NEO1: variants seen among roughly 807,000 people sequenced by gnomAD.
The protein encoded by NEO1 is neogenin.
In NEO1, 63 loss-of-function variants were observed where a neutral mutation model predicts 159.7. The observed-to-expected ratio is 0.39, with a 90% CI of 0.32 to 0.49. The LOEUF (loss-of-function observed/expected upper bound fraction) is 0.49, where lower values mean the gene tolerates loss of function less well. Ranked by LOEUF, NEO1 falls within the 20% of genes least tolerant of loss-of-function variation. NEO1 has a pLI of 0.85. For missense variants in NEO1, 1,615 were observed against 1,831.0 expected (o/e 0.88, Z 2.15); for synonymous variants, 633 against 662.0 (o/e 0.96, Z 0.67).
chr15:73,099,554 T>G (rs7403367), intron 1 of NEO1, among the ~76,000 whole-genome samples: 20,246 of 152,238 alleles, frequency 0.13, 2,091 homozygotes, highest in African/African-American at 0.28. Flanking sequence ...TGTGTTCTTT[T>G]CCTTTGCTTA....
At chr15:73,220,493 A>T (rs372954699) in intron 7 of NEO1, among the ~76,000 whole-genome samples, 1,940 of 152,184 alleles carry the variant, frequency 0.013, 27 homozygotes, top group East Asian at 0.049. Context: ...AGATTGGGGA[A>T]GTTCTCCTGG....
intron 3 of NEO1, among the ~76,000 whole-genome samples, chr15:73,125,029 C>G (rs1237048048): frequency 6.6e-6 from 1 of 152,206 alleles, no homozygotes; most frequent in East Asian, 1.9e-4. Flanking sequence ...TAATACTTCT[C>G]AACACCTAGG....
chr15:73,070,798 T>C (rs1177750993), intron 1 of NEO1, among the ~76,000 whole-genome samples: 1 of 152,208 alleles, frequency 6.6e-6, no homozygotes, highest in African/African-American at 2.4e-5. Context: ...TCACAGATTA[T>C]CTAAATATTT....
At chr15:73,064,071 T>G (rs978489937) in intron 1 of NEO1, among the ~76,000 whole-genome samples, 6 of 152,230 alleles carry the variant, frequency 3.9e-5, no homozygotes, top group African/African-American at 1.4e-4. Flanking sequence ...AAAAATTCTG[T>G]AAGCTTTGTG....
Position 73,098,815 on chromosome 15 carries a change from C to T in NEO1, c.131-17725C>T, listed in dbSNP as rs535104235. Among the ~76,000 whole-genome samples, 15 of 152,122 alleles carry T rather than the reference C, an allele frequency of 9.9e-5. No homozygotes were observed. In the South Asian group the frequency reaches 1.7e-3, roughly 17 times the overall value. On this transcript the variant is annotated intron_variant, in intron 1 of 28. Coordinates refer to ENST00000261908, the MANE Select transcript of NEO1 (RefSeq NM_002499.4). The stretch of plus-strand genomic sequence containing the variant: ...AAAAGGGTAAATGCATATATAATTG[C>T]GCTAGATTTTGCAGATTTTCCTCTA...
chr15:73,160,496 GA>G (rs1567345062), intron 5 of NEO1, among the ~76,000 whole-genome samples: 2 of 152,050 alleles, frequency 1.3e-5, no homozygotes, highest in Non-Finnish European at 2.9e-5. Flanking sequence ...GAGAGCTCAG[GA>G]CCACCAGACT....
Position 73,304,137 on chromosome 15 carries a change from C to G in NEO1, c.*1441C>G, listed in dbSNP as rs2042709750. 1 of 152,080 alleles carries G rather than the reference C, an allele frequency of 6.6e-6. No homozygotes were observed. The highest frequency in any genetic ancestry group is 1.5e-5 in the Non-Finnish European group (1 of 68,034). The allele number at this position is 152,080 out of a possible 1,614,324, so 9.4% of individuals were successfully genotyped here. A position where few individuals can be genotyped will look rare whatever the true frequency, so the allele number is the denominator to read the frequency against. On this transcript the variant is annotated 3_prime_UTR_variant, in exon 29 of 29. Coordinates refer to ENST00000261908, the MANE Select transcript of NEO1 (RefSeq NM_002499.4). ...CACCCCCCCCATCCCAGCAGCTCAG[C>G]TAAGCCCTGATGAGAATGAAGCCAC...
intron 1 of NEO1, among the ~76,000 whole-genome samples, chr15:73,072,946 A>G (rs1013542450): frequency 1.3e-5 from 2 of 152,290 alleles, no homozygotes; most frequent in South Asian, 4.1e-4. Flanking sequence ...TAGCAGGATG[A>G]TGGGTGCTGA....
intron 5 of NEO1, among the ~76,000 whole-genome samples, chr15:73,172,927 T>A (rs1272045268): frequency 1.3e-5 from 2 of 152,234 alleles, no homozygotes. Context: ...ACTCTCCTGA[T>A]TTCTCAGAAG....
intron 7 of NEO1, among the ~76,000 whole-genome samples, chr15:73,204,783 G>A (rs1016817879): frequency 9.2e-5 from 14 of 151,996 alleles, no homozygotes; most frequent in African/African-American, 3.4e-4. Flanking sequence ...CTTCAGACTG[G>A]GGTTTTTCTT....
intron 8 of NEO1, among the ~76,000 whole-genome samples, chr15:73,237,213 A>T (rs1231932200): frequency 6.6e-6 from 1 of 152,190 alleles, no homozygotes; most frequent in East Asian, 1.9e-4. Flanking sequence ...GTTAAGCCCC[A>T]TGAAGCTCTC....
chr15:73,058,649 C>A (rs978777780), intron 1 of NEO1, among the ~76,000 whole-genome samples: 1 of 152,152 alleles, frequency 6.6e-6, no homozygotes, highest in Non-Finnish European at 1.5e-5. Context: ...AAGAATAATT[C>A]CATTGACTAA....
At chr15:73,214,897 CTATGCATCCATGAGCA>C (rs1466323179) in intron 7 of NEO1, among the ~76,000 whole-genome samples, 1 of 152,120 alleles carries the variant, frequency 6.6e-6, no homozygotes, top group Admixed American at 6.5e-5. Flanking sequence ...AATATTGATT[CTATGCATCCATGAGCA>C]TGGGATGCAT....
At chr15:73,279,150 A>G (rs1178138362) in intron 22 of NEO1, among the ~76,000 whole-genome samples, 2 of 152,096 alleles carry the variant, frequency 1.3e-5, no homozygotes, top group Non-Finnish European at 1.5e-5. Flanking sequence ...GAACCAGACA[A>G]ACTTAACATC....
chr15:73,142,509 G>A (rs2032488927), intron 5 of NEO1, among the ~76,000 whole-genome samples: 1 of 152,152 alleles, frequency 6.6e-6, no homozygotes, highest in African/African-American at 2.4e-5. Flanking sequence ...ATGGGGCAGA[G>A]GAAATAAGCC....
At chr15:73,098,526 C>T (rs771931288) in intron 1 of NEO1, among the ~76,000 whole-genome samples, 3 of 152,132 alleles carry the variant, frequency 2.0e-5, no homozygotes, top group Admixed American at 6.5e-5. Flanking sequence ...TCCAAACTTA[C>T]TTGTTTTCAC....
At chr15:73,259,579 C>G (rs2040526601) in intron 14 of NEO1, among the ~76,000 whole-genome samples, 1 of 151,938 alleles carries the variant, frequency 6.6e-6, no homozygotes, top group Non-Finnish European at 1.5e-5. Flanking sequence ...GTCTTGAACT[C>G]CTGGGCTCAG....
At chr15:73,146,528 C>A (rs770792571) in intron 5 of NEO1, among the ~76,000 whole-genome samples, 44 of 152,108 alleles carry the variant, frequency 2.9e-4, no homozygotes, top group Non-Finnish European at 5.0e-4. Flanking sequence ...GATTGGTTTG[C>A]AGTTCTTCTT....
intron 7 of NEO1, among the ~76,000 whole-genome samples, chr15:73,216,318 A>T (rs1367253607): frequency 1.3e-5 from 2 of 152,198 alleles, no homozygotes; most frequent in East Asian, 3.9e-4. Context: ...ACATTTTCTT[A>T]ATCCAGTCTA....
Sources: gnomAD v4.1 joint callset for allele counts (sites outside exome capture counted in the v4.1 genomes callset) on GRCh38, gnomAD v4.1.1 for gene constraint, MANE v1.5 for transcripts, NCBI Gene and HGNC (gene_info 2026-07-23, HGNC 2026-07-21) for gene names.